The following HLCS variants were observed in gnomAD, a reference collection of about 807,000 sequenced individuals.
HLCS encodes the protein holocarboxylase synthetase, also known as biotin--protein ligase.
A neutral mutation model predicts 75.0 loss-of-function variants in HLCS; 53 were observed. The observed-to-expected ratio is 0.71, with a 90% CI of 0.57 to 0.89. The LOEUF is 0.89. Among genes scored for constraint, HLCS ranks in the 40% least tolerant of loss-of-function variants. The pLI is 0.00. For synonymous variants in HLCS, 431 were observed against 428.6 expected, an observed-to-expected ratio of 1.01 and a Z score of -0.07; for missense variants, 966 against 1,074.0, an observed-to-expected ratio of 0.90 and a Z score of 1.41.
intron 6 of HLCS, among the ~76,000 whole-genome samples, chr21:36,841,566 G>A (rs552414263): frequency 2.6e-5 from 4 of 152,222 alleles, no homozygotes; most frequent in Admixed American, 6.5e-5. Flanking sequence ...GCTGCACAAC[G>A]TGGTGGCTAA....
intron 6 of HLCS, among the ~76,000 whole-genome samples, chr21:36,873,549 T>C (rs773868275): frequency 1.3e-5 from 2 of 152,256 alleles, no homozygotes; most frequent in African/African-American, 2.4e-5. Flanking sequence ...GTCAGACATA[T>C]GTTTTGCAAA....
intron 6 of HLCS, among the ~76,000 whole-genome samples, chr21:36,836,386 T>C (rs1314209211): frequency 6.6e-6 from 1 of 151,810 alleles, no homozygotes; most frequent in Non-Finnish European, 1.5e-5. Context: ...TATGTATACA[T>C]GTGACATGCT....
At chr21:36,818,480 G>A (rs2061728821) in intron 6 of HLCS, among the ~76,000 whole-genome samples, 2 of 152,320 alleles carry the variant, frequency 1.3e-5, no homozygotes, top group Admixed American at 6.5e-5. Flanking sequence ...GGGCCAGTGT[G>A]TCACTTGTGA....
chr21:36,769,556 T>G (rs2090157854), intron 6 of HLCS, among the ~76,000 whole-genome samples: 1 of 152,188 alleles, frequency 6.6e-6, no homozygotes, highest in Admixed American at 6.5e-5. Context: ...ATATTTTCCT[T>G]CCTTGCTGGC....
chr21:36,961,343 C>A (rs1405096080), intron 2 of HLCS, among the ~76,000 whole-genome samples: 1 of 152,126 alleles, frequency 6.6e-6, no homozygotes, highest in Non-Finnish European at 1.5e-5. Flanking sequence ...CAAATACAAG[C>A]CACACACGTG....
chr21:36,918,165 A>G (rs1238306472), intron 5 of HLCS, among the ~76,000 whole-genome samples: 2 of 152,208 alleles, frequency 1.3e-5, no homozygotes, highest in Admixed American at 6.5e-5. Flanking sequence ...ATAGCACCCC[A>G]TGGTACACTA....
At chr21:36,933,307 C>A (rs970658514) in intron 4 of HLCS, among the ~76,000 whole-genome samples, 4 of 152,054 alleles carry the variant, frequency 2.6e-5, no homozygotes, top group Middle Eastern at 3.4e-3. Flanking sequence ...AAAAGCAAAA[C>A]CCTCTAAAGA....
rs1225768074 is a variant in HLCS at position 36,897,109 on chromosome 21, T to G, written c.1643A>C (p.Gln548Pro). 2 of 1,614,042 alleles carry G rather than the reference T, an allele frequency of 1.2e-6. No homozygotes were observed. The highest frequency in any genetic ancestry group is 4.5e-5 in the East Asian group (2 of 44,896). Reference sequence around the variant, plus strand: ...GGAGTCCACATGTTTCCCAAGCCACTGCATAAGAGGATCCCTGATTTCCTG... The same window carrying G: ...GGAGTCCACATGTTTCCCAAGCCACGGCATAAGAGGATCCCTGATTTCCTG... ...AAEEIRDPLM[Q>P]WLGKHVDSEG... Residue 548 changes from glutamine (Q) to proline (P), a missense_variant, in exon 6 of 11, where the codon CAG becomes CCG. Gln to Pro is a moderately conservative substitution (Grantham distance 76). Coordinates refer to ENST00000674895, the MANE Select transcript of HLCS (RefSeq NM_001352514.2).
intron 4 of HLCS, among the ~76,000 whole-genome samples, chr21:36,932,289 T>A (rs1248160109): frequency 6.6e-6 from 1 of 152,246 alleles, no homozygotes; most frequent in African/African-American, 2.4e-5. Flanking sequence ...AACTGACTTC[T>A]TGTTTATATC....
chr21:36,966,021 G>A (rs972717629), intron 1 of HLCS, among the ~76,000 whole-genome samples: 4 of 152,160 alleles, frequency 2.6e-5, no homozygotes, highest in African/African-American at 9.7e-5. Flanking sequence ...AGGCCTCCCA[G>A]AGTGCAGGGA....
chr21:36,947,713 A>T, intron 2 of HLCS: 1 of 985,434 alleles, frequency 1.0e-6, no homozygotes, highest in South Asian at 4.7e-5. Context: ...TCTCTGCTCA[A>T]CTTAAAACTC....
At chr21:36,970,155 C>T (rs936068687), upstream of HLCS, among the ~76,000 whole-genome samples, 3 of 152,250 alleles carry the variant, frequency 2.0e-5, no homozygotes, top group Non-Finnish European at 4.4e-5. Context: ...ATCATACTGA[C>T]ATTAACTCAG....
At position 36,750,813 on chromosome 21, in the gene HLCS, G is replaced by A. The variant is rs1016866926; in HGVS notation, c.*3433C>T. The A allele has an allele frequency of 2.0e-5, 3 of 150,936 alleles. No homozygotes were observed. The highest frequency in any genetic ancestry group is 4.4e-5 in the Non-Finnish European group (3 of 67,830). The allele number at this position is 150,936 out of a possible 1,614,324, so 9.3% of individuals were successfully genotyped here. On this transcript the variant is annotated 3_prime_UTR_variant, in exon 11 of 11. Transcript: ENST00000674895. The stretch of plus-strand genomic sequence containing the variant: ...ACATATAAGATTAAAATCTTGGGGG[G>A]AAAAACTGTTCAGATGAAAAGTCAA...
At chr21:36,855,076 T>C (rs2063140237) in intron 6 of HLCS, among the ~76,000 whole-genome samples, 1 of 152,094 alleles carries the variant, frequency 6.6e-6, no homozygotes, top group Non-Finnish European at 1.5e-5. Context: ...ATCATATTCA[T>C]GTTTTTTTTT....
At chr21:36,865,608 T>G (rs2063528630) in intron 6 of HLCS, among the ~76,000 whole-genome samples, 1 of 152,160 alleles carries the variant, frequency 6.6e-6, no homozygotes. Flanking sequence ...TTTGTACCGT[T>G]TTGTTATTGT....
chr21:36,784,177 C>A (rs995899440), intron 6 of HLCS, among the ~76,000 whole-genome samples: 2 of 152,274 alleles, frequency 1.3e-5, no homozygotes, highest in Non-Finnish European at 2.9e-5. Flanking sequence ...GTGGAAGCTA[C>A]ACCGCAGAAG....
At chr21:36,863,700 G>T (rs190646871) in intron 6 of HLCS, among the ~76,000 whole-genome samples, 182 of 152,314 alleles carry the variant, frequency 1.2e-3, no homozygotes, top group Non-Finnish European at 2.2e-4. Flanking sequence ...AATGAAAACT[G>T]AAAATTACTG....
chr21:36,892,103 C>T (rs995316052), intron 6 of HLCS, among the ~76,000 whole-genome samples: 3 of 152,124 alleles, frequency 2.0e-5, no homozygotes, highest in African/African-American at 7.2e-5. Flanking sequence ...GACTAGAGGG[C>T]TACTAAAGTC....
At chr21:36,966,732 C>T (rs1250316908), upstream of HLCS, 45 of 502,534 alleles carry the variant, frequency 9.0e-5, no homozygotes, top group African/African-American at 6.4e-4. Flanking sequence ...CGCCGCCCCC[C>T]CGGGCCAGGC....
Sources: gnomAD v4.1 joint callset for allele counts (sites outside exome capture counted in the v4.1 genomes callset) on GRCh38, gnomAD v4.1.1 for gene constraint, MANE v1.5 for transcripts, NCBI Gene and HGNC (gene_info 2026-07-23, HGNC 2026-07-21) for gene names.